The following RHOG variants were observed in gnomAD, a reference collection of about 807,000 sequenced individuals.
RHOG encodes ras homolog family member G.
Under a neutral mutation model 12.3 loss-of-function variants are expected in RHOG, and 1 was observed. That is an observed-to-expected ratio of 0.08 (90% CI 0.03 to 0.39). The LOEUF (loss-of-function observed/expected upper bound fraction) is 0.39. RHOG is among the 10% of genes least tolerant of loss of function. The probability of loss-of-function intolerance (pLI) is 0.99; values close to 1 mark genes in which losing one functional copy is unlikely to be tolerated. For missense variants in RHOG, 114 were observed against 266.2 expected, an observed-to-expected ratio of 0.43 and a Z score of 3.98; for synonymous variants, 129 against 116.0, an observed-to-expected ratio of 1.11 and a Z score of -0.72.
chr11:3,828,835 T>C (rs191411025), intron 1 of RHOG, among the ~76,000 whole-genome samples: 10,085 of 151,744 alleles, frequency 0.066, 490 homozygotes, highest in African/African-American at 0.13. Context: ...TTGGCCAGGA[T>C]GGTCTCGATC....
rs532965447 is a variant in RHOG at position 3,828,829 on chromosome 11, C to T, written c.-68-623G>A. Among the ~76,000 whole-genome samples the T allele has an allele frequency of 3.0e-4, 46 of 151,802 alleles. 2 individuals carry two copies. The South Asian group carries it at 4.6e-3, about 15-fold the overall frequency. On this transcript the variant is annotated intron_variant, in intron 1 of 1. Transcript: ENST00000351018. ...TAGAGATGGGGTTTCACCGTGTTGG[C>T]CAGGATGGTCTCGATCTCCTGACCT...
chr11:3,829,519 G>A (rs1313293906), intron 1 of RHOG, among the ~76,000 whole-genome samples: 1 of 152,094 alleles, frequency 6.6e-6, no homozygotes, highest in Non-Finnish European at 1.5e-5. Context: ...CCAAAGTGCT[G>A]GGATTACAGG....
In RHOG at chr11:3,839,602, A is replaced by AACACACAC. The variant is rs112483411; in HGVS notation, c.-69+1284_-69+1291dup. 7.1e-4 allele frequency among the ~76,000 whole-genome samples: 101 copies of AACACACAC among 141,698 alleles called. 1 individual carries two copies. The Middle Eastern group carries it at 0.011, about 15-fold the overall frequency. 93.0% of individuals were successfully genotyped at this position (141,698 alleles called of 152,430 possible). On this transcript the variant is annotated intron_variant, in intron 1 of 1. Transcript: ENST00000351018. The stretch of plus-strand genomic sequence containing the variant: ...ACACGCGCGTGCGAACACACACGCA[A>AACACACAC]ACACACACACACACACACACACACA...
intron 1 of RHOG, among the ~76,000 whole-genome samples, chr11:3,832,427 A>T (rs2090135463): frequency 6.6e-6 from 1 of 152,192 alleles, no homozygotes; most frequent in Non-Finnish European, 1.5e-5. Flanking sequence ...TGATCAGGTA[A>T]GTTACTGCCC....
chr11:3,829,991 C>A (rs946084966), intron 1 of RHOG, among the ~76,000 whole-genome samples: 2 of 152,132 alleles, frequency 1.3e-5, no homozygotes, highest in Admixed American at 6.5e-5. Context: ...GTGATCTGCC[C>A]GCCTTGGCCT....
At chr11:3,832,750 A>G (rs927084795) in intron 1 of RHOG, among the ~76,000 whole-genome samples, 1 of 152,234 alleles carries the variant, frequency 6.6e-6, no homozygotes, top group Non-Finnish European at 1.5e-5. Context: ...ATAAGTTACC[A>G]TAGCCCATTT....
At chr11:3,831,413 AGT>A (rs57646737) in intron 1 of RHOG, among the ~76,000 whole-genome samples, 1 of 151,570 alleles carries the variant, frequency 6.6e-6, no homozygotes, top group African/African-American at 2.4e-5. Context: ...AATGAGAGAG[AGT>A]GTGTGTGTGT....
At chr11:3,831,794 T>G (rs1031956587) in intron 1 of RHOG, among the ~76,000 whole-genome samples, 1 of 152,144 alleles carries the variant, frequency 6.6e-6, no homozygotes, top group African/African-American at 2.4e-5. Context: ...GCCTGTAATC[T>G]TCAGTTCCAC....
chr11:3,827,496 C>G lies in RHOG; in HGVS notation c.*67G>C. The G allele has an allele frequency of 7.5e-7, 1 of 1,333,842 alleles. No individual in the cohort carries two copies. The highest frequency in any genetic ancestry group is 1.0e-6 in the Non-Finnish European group (1 of 956,506). 82.6% of individuals were successfully genotyped at this position (1,333,842 alleles called of 1,614,324 possible). ...ATTAGTCCTTAAGGCACAGCTGAGG[C>G]GGACAAGGCACCAAGGCACAACTGG... On this transcript the variant is annotated 3_prime_UTR_variant, in exon 2 of 2. Coordinates refer to ENST00000351018, the MANE Select transcript of RHOG (RefSeq NM_001665.4). This position sits in a 1 kb window ranked among gnomAD's most constrained non-coding sequence, Gnocchi z 7.3.
In RHOG at chr11:3,827,600, G is replaced by A. The variant is rs770897526; in HGVS notation, c.539C>T (p.Thr180Met). ...AEAVRAVLNP[T>M]PIKRGRSCIL... ...GCAGGACCGCCCACGCTTGATCGGC[G>A]TGGGGTTGAGCACAGCCCGGACAGC... Residue 180 changes from threonine to methionine, a missense_variant, in exon 2 of 2, where the codon ACG becomes ATG. Thr to Met is a moderately conservative substitution (Grantham distance 81). Coordinates refer to ENST00000351018, the MANE Select transcript of RHOG (RefSeq NM_001665.4). The surrounding 1 kb of genome is among the most constrained non-coding windows in gnomAD (Gnocchi z 7.3). 3.8e-5 allele frequency: 61 copies of A among 1,610,978 alleles called. No homozygotes were observed. The highest frequency in any genetic ancestry group is 8.8e-5 in the South Asian group (8 of 91,088).
chr11:3,835,908 A>C (rs911521604), intron 1 of RHOG, among the ~76,000 whole-genome samples: 4 of 123,252 alleles, frequency 3.2e-5, no homozygotes, highest in Non-Finnish European at 6.9e-5. Context: ...AAGGGGCTGC[A>C]GCTGGCTGCA....
rs913819087 is a variant in RHOG, at chr11:3,830,228, G to A, written c.-68-2022C>T. On this transcript the variant is annotated intron_variant, in intron 1 of 1. Transcript: ENST00000351018. The stretch of plus-strand genomic sequence containing the variant: ...ATTAAGAACATAGATGCTAGAGTAA[G>A]ACTCGCAGGTATTCTAATCACAGCT... 1.8e-4 allele frequency among the ~76,000 whole-genome samples: 28 copies of A among 152,174 alleles called. 1 individual carries two copies. The highest frequency in any genetic ancestry group is 4.1e-4 in the Non-Finnish European group (28 of 68,048).
chr11:3,836,481 T>C (rs2090157281), intron 1 of RHOG, among the ~76,000 whole-genome samples: 1 of 152,046 alleles, frequency 6.6e-6, no homozygotes, highest in South Asian at 2.1e-4. Flanking sequence ...GAAGAGTTGA[T>C]GCCACCCACT....
At chr11:3,828,466 C>T (rs1318665315) in intron 1 of RHOG, among the ~76,000 whole-genome samples, 1 of 152,112 alleles carries the variant, frequency 6.6e-6, no homozygotes, top group Admixed American at 6.6e-5. Context: ...TATTTCCTAG[C>T]TGTGTAACCC....
intron 1 of RHOG, among the ~76,000 whole-genome samples, chr11:3,836,134 C>G (rs1397977734): frequency 6.6e-6 from 1 of 151,650 alleles, no homozygotes; most frequent in East Asian, 1.9e-4. Flanking sequence ...AGGCAGACCA[C>G]TTGAGATCAG....
chr11:3,834,224 C>T (rs1219405885), intron 1 of RHOG, among the ~76,000 whole-genome samples: 2 of 152,166 alleles, frequency 1.3e-5, no homozygotes, highest in African/African-American at 4.8e-5. Context: ...CACCCATGGC[C>T]ACCCCTTTTA....
intron 1 of RHOG, among the ~76,000 whole-genome samples, chr11:3,832,715 AATCCTCTG>A (rs2090137271): frequency 6.6e-6 from 1 of 152,144 alleles, no homozygotes; most frequent in Non-Finnish European, 1.5e-5. Context: ...TTCTTTCTGA[AATCCTCTG>A]GCCTGAACTG....
chr11:3,828,306 T>G (rs2090101270), intron 1 of RHOG, 100 bp from the exon 2 acceptor site: 1 of 626,914 alleles, frequency 1.6e-6, no homozygotes, highest in South Asian at 2.0e-5. Flanking sequence ...CCTGTTCCCT[T>G]AACCTGACAC....
intron 1 of RHOG, among the ~76,000 whole-genome samples, chr11:3,835,243 T>A (rs2090149852): frequency 6.6e-6 from 1 of 152,168 alleles, no homozygotes; most frequent in Admixed American, 6.5e-5. Flanking sequence ...ATGAAGTCGA[T>A]GCAATCATGT....
Sources: allele counts gnomAD v4.1 joint callset (sites outside exome capture counted in the v4.1 genomes callset), GRCh38; gene constraint gnomAD v4.1.1; non-coding constraint Gnocchi (gnomAD v3.1); transcripts MANE v1.5; gene names NCBI Gene and HGNC (gene_info 2026-07-23, HGNC 2026-07-21).